The following GRIP1 variants were observed in gnomAD, a reference collection of about 807,000 sequenced individuals.
The protein encoded by GRIP1 is glutamate receptor interacting protein 1.
In GRIP1, 45 loss-of-function variants were observed where a neutral mutation model predicts 129.9. That is an observed-to-expected ratio of 0.35 (90% CI 0.27 to 0.44). GRIP1 has a LOEUF of 0.44. GRIP1 is among the 20% of genes least tolerant of loss of function. The pLI is 1.00. For synonymous variants in GRIP1, 530 were observed against 520.8 expected, an observed-to-expected ratio of 1.02 and a Z score of -0.24; for missense variants, 1,196 against 1,396.8, an observed-to-expected ratio of 0.86 and a Z score of 2.29.
At chr12:66,426,870 A>G (rs2058004627) in intron 14 of GRIP1, among the ~76,000 whole-genome samples, 1 of 152,182 alleles carries the variant, frequency 6.6e-6, no homozygotes, top group African/African-American at 2.4e-5. Context: ...AACATTCAGT[A>G]TGCAAACCTT....
At position 66,573,643 on chromosome 12, in the gene GRIP1, T is replaced by C. The variant is rs116397500; in HGVS notation, c.136+23204A>G. Among the ~76,000 whole-genome samples, 654 of 152,276 alleles carry C rather than the reference T, an allele frequency of 4.3e-3. 2 individuals carry two copies. Among genetic ancestry groups the C allele is most frequent in the African/African-American group, 0.014 (598 of 41,564 alleles). ...GCCTGCGTTCCTAACCAGATAGGTG[T>C]GCTGCCTTCCTATGCTTAGAAAGTT... On this transcript the variant is annotated intron_variant, in intron 2 of 24. Coordinates refer to ENST00000359742, the MANE Select transcript of GRIP1 (RefSeq NM_001366722.1).
chr12:67,026,454 C>T (rs1233913689), intron 1 of GRIP1, among the ~76,000 whole-genome samples: 2 of 152,192 alleles, frequency 1.3e-5, no homozygotes, highest in Non-Finnish European at 2.9e-5. Context: ...GGTTAATAAC[C>T]GTATCTCCTC....
intron 1 of GRIP1, among the ~76,000 whole-genome samples, chr12:67,029,786 A>G (rs1056192903): frequency 6.6e-6 from 1 of 152,100 alleles, no homozygotes; most frequent in Non-Finnish European, 1.5e-5. Flanking sequence ...TGCAGGCAAT[A>G]TCTAGCAATG....
Position 66,363,225 on chromosome 12 carries a change from A to ATATATATATATATATATATG in GRIP1, c.3012+8468_3012+8469insCATATATATATATATATATA, listed in dbSNP as rs1363141435. Among the ~76,000 whole-genome samples, 678 of 133,728 alleles carry ATATATATATATATATATATG rather than the reference A, an allele frequency of 5.1e-3. 16 individuals carry two copies. Among genetic ancestry groups the ATATATATATATATATATATG allele is most frequent in the Non-Finnish European group, 9.5e-3 (590 of 62,252 alleles). 87.7% of individuals were successfully genotyped at this position (133,728 alleles called of 152,430 possible). The stretch of plus-strand genomic sequence containing the variant: ...CATATATATATATATATATATATAT[A>ATATATATATATATATATATG]TATAAAGTTTCTGTATCTCTTTTTT... On this transcript the variant is annotated intron_variant, in intron 23 of 24. Transcript: ENST00000359742.
chr12:66,926,865 AG>A (rs1322980924), intron 1 of GRIP1, among the ~76,000 whole-genome samples: 1 of 152,230 alleles, frequency 6.6e-6, no homozygotes, highest in Non-Finnish European at 1.5e-5. Flanking sequence ...CACCACTAAG[AG>A]CAAAGAAAAA....
chr12:66,547,674 A>G (rs551949272), intron 2 of GRIP1, among the ~76,000 whole-genome samples: 9 of 152,332 alleles, frequency 5.9e-5, no homozygotes, highest in Admixed American at 2.0e-4. Flanking sequence ...GTCAACCCCA[A>G]AGATTTCACA....
intron 1 of GRIP1, among the ~76,000 whole-genome samples, chr12:66,659,043 G>A (rs374339086): frequency 3.3e-5 from 5 of 152,246 alleles, no homozygotes; most frequent in Non-Finnish European, 4.4e-5. Context: ...ACTGTGCCCC[G>A]TGATGATCCT....
At chr12:67,061,032 C>A (rs752991872) in intron 1 of GRIP1, among the ~76,000 whole-genome samples, 1 of 152,104 alleles carries the variant, frequency 6.6e-6, no homozygotes, top group East Asian at 1.9e-4. Context: ...CCAGCTGCAG[C>A]CAGAAATGAG....
At chr12:66,909,026 A>G (rs2040984620) in intron 1 of GRIP1, among the ~76,000 whole-genome samples, 1 of 152,160 alleles carries the variant, frequency 6.6e-6, no homozygotes, top group African/African-American at 2.4e-5. Context: ...CACATTCCTC[A>G]ATATTTTTGT....
At chr12:66,620,971 A>T (rs1392410209) in intron 1 of GRIP1, among the ~76,000 whole-genome samples, 1 of 152,204 alleles carries the variant, frequency 6.6e-6, no homozygotes, top group Non-Finnish European at 1.5e-5. Context: ...CAAATCCCAG[A>T]GGCAAAAGAT....
chr12:66,521,201 GT>G, intron 5 of GRIP1, among the ~76,000 whole-genome samples: 1 of 152,214 alleles, frequency 6.6e-6, no homozygotes, highest in African/African-American at 2.4e-5. Context: ...GTAGATCAAG[GT>G]ATTGTCTTAT....
chr12:66,871,040 T>A (rs1351470438), intron 1 of GRIP1, among the ~76,000 whole-genome samples: 3 of 152,098 alleles, frequency 2.0e-5, no homozygotes, highest in Non-Finnish European at 4.4e-5. Flanking sequence ...GACTTACTTT[T>A]TTCATGTGTA....
At chr12:67,066,336 A>G (rs1408390258) in intron 1 of GRIP1, among the ~76,000 whole-genome samples, 1 of 152,200 alleles carries the variant, frequency 6.6e-6, no homozygotes, top group African/African-American at 2.4e-5. Context: ...TAAGGCTAAG[A>G]TACATACTCC....
chr12:66,569,556 A>C (rs181478141), intron 2 of GRIP1, among the ~76,000 whole-genome samples: 10 of 152,298 alleles, frequency 6.6e-5, no homozygotes, highest in African/African-American at 1.9e-4. Flanking sequence ...TGGAGGTGAC[A>C]AGGAAGGAGG....
upstream of GRIP1, among the ~76,000 whole-genome samples, chr12:66,682,848 T>C (rs2136286665): frequency 6.6e-6 from 1 of 152,330 alleles, no homozygotes; most frequent in African/African-American, 2.4e-5. Flanking sequence ...AGTGCTAAAA[T>C]AATTTGCACT....
At chr12:66,855,579 AT>A (rs755281162) in intron 1 of GRIP1, among the ~76,000 whole-genome samples, 10 of 152,082 alleles carry the variant, frequency 6.6e-5, no homozygotes, top group Non-Finnish European at 1.3e-4. Flanking sequence ...AGATCAAAGC[AT>A]TTATAAATCA....
chr12:67,019,676 A>C (rs1290116449), intron 1 of GRIP1, among the ~76,000 whole-genome samples: 1 of 152,178 alleles, frequency 6.6e-6, no homozygotes, highest in African/African-American at 2.4e-5. Context: ...TGACTAGGCC[A>C]GAAACAACAT....
chr12:67,032,305 G>C (rs1356511082), intron 1 of GRIP1, among the ~76,000 whole-genome samples: 1 of 152,150 alleles, frequency 6.6e-6, no homozygotes, highest in Admixed American at 6.5e-5. Flanking sequence ...TCTTGTTCCA[G>C]AAAGGATGTG....
At chr12:66,855,588 TCAA>T (rs2039989445) in intron 1 of GRIP1, among the ~76,000 whole-genome samples, 1 of 152,146 alleles carries the variant, frequency 6.6e-6, no homozygotes, top group East Asian at 1.9e-4. Context: ...CATTTATAAA[TCAA>T]CAAGGCAATA....
Sources: gnomAD v4.1 joint callset for allele counts (sites outside exome capture counted in the v4.1 genomes callset) on GRCh38, gnomAD v4.1.1 for gene constraint, MANE v1.5 for transcripts, NCBI Gene and HGNC (gene_info 2026-07-23, HGNC 2026-07-21) for gene names.